The following COL22A1 variants were observed in gnomAD, a reference collection of about 807,000 sequenced individuals.
COL22A1 encodes the protein collagen alpha-1(XXII) chain.
COL22A1 carries 221 observed loss-of-function variants against 248.9 expected under a neutral mutation model. The observed-to-expected ratio is 0.89, with a 90% CI of 0.80 to 0.99. COL22A1 has a LOEUF of 0.99. Ranked by LOEUF, COL22A1 falls within the 50% of genes least tolerant of loss-of-function variation. The probability of loss-of-function intolerance (pLI) is 0.00; values close to 1 mark genes in which losing one functional copy is unlikely to be tolerated. For synonymous variants in COL22A1, 891 were observed against 793.4 expected (o/e 1.12, Z -2.07); for missense variants, 2,240 against 2,179.0 (o/e 1.03, Z -0.56).
chr8:138,816,418 G>T (rs538668032), intron 7 of COL22A1, among the ~76,000 whole-genome samples: 1 of 152,296 alleles, frequency 6.6e-6, no homozygotes, highest in South Asian at 2.1e-4. Context: ...TCCGGTTTCT[G>T]CCCTCAGCAA....
intron 27 of COL22A1, 46 bp from the exon 28 acceptor site, chr8:138,716,915 A>G (rs563511710): frequency 7.1e-7 from 1 of 1,410,874 alleles, no homozygotes; most frequent in African/African-American, 1.4e-5. Flanking sequence ...ATTCACTTTA[A>G]AGAGATGACT....
chr8:138,884,427 C>G (rs1202755255), intron 1 of COL22A1, among the ~76,000 whole-genome samples: 1 of 152,206 alleles, frequency 6.6e-6, no homozygotes, highest in East Asian at 1.9e-4. Flanking sequence ...TCCTGAACCT[C>G]AATGTTTGCA....
chr8:138,795,663 C>T lies in COL22A1; in HGVS notation c.1596+1156G>A, dbSNP rs142518225. ...AGTTCTTCTCCTAAATGTCATTTTG[C>T]ATCATCAAATACTGTTGCATTATTG... On this transcript the variant is annotated intron_variant, in intron 12 of 64. Transcript: ENST00000303045. Among the ~76,000 whole-genome samples the T allele has an allele frequency of 2.8e-3, 420 of 152,244 alleles. 2 individuals are homozygous for T. The highest frequency in any genetic ancestry group is 9.6e-3 in the African/African-American group (397 of 41,528).
chr8:138,768,236 C>T (rs1376168040), intron 16 of COL22A1, among the ~76,000 whole-genome samples: 1 of 152,208 alleles, frequency 6.6e-6, no homozygotes, highest in Non-Finnish European at 1.5e-5. Flanking sequence ...GCAGCCGCCT[C>T]CTCAGCCTGG....
intron 23 of COL22A1, among the ~76,000 whole-genome samples, chr8:138,726,550 G>A (rs1250054535): frequency 6.7e-6 from 1 of 148,952 alleles, no homozygotes; most frequent in Non-Finnish European, 1.5e-5. Context: ...CTAAACCTAT[G>A]AGCACAGATC....
chr8:138,747,049 C>A (rs1238051967), intron 22 of COL22A1, among the ~76,000 whole-genome samples: 1 of 152,232 alleles, frequency 6.6e-6, no homozygotes, highest in Non-Finnish European at 1.5e-5. Context: ...TTTGATGCAG[C>A]TTCAAGAAGC....
Position 138,877,825 on chromosome 8 carries a change from C to T in COL22A1, c.583G>A (p.Ala195Thr). ...LEEIASEPKS[A>T]HVFHVSDFNA... ...AAGTCGGACACGTGGAAGACGTGGG[C>T]GGACTTGGGCTCTGAGGCGATCTCC... Residue 195 changes from alanine (A) to threonine (T), a missense_variant, in exon 3 of 65, where the codon GCC (alanine) becomes ACC (threonine). Coordinates refer to ENST00000303045, the MANE Select transcript of COL22A1 (RefSeq NM_152888.3). 6.2e-7 allele frequency: 1 copy of T among 1,612,250 alleles called. No homozygotes were observed. The highest frequency in any genetic ancestry group is 8.5e-7 in the Non-Finnish European group (1 of 1,179,134).
intron 7 of COL22A1, among the ~76,000 whole-genome samples, chr8:138,818,209 A>G (rs1168762356): frequency 6.6e-6 from 1 of 152,124 alleles, no homozygotes; most frequent in Non-Finnish European, 1.5e-5. Flanking sequence ...TACAGCTCAG[A>G]GGGTATCTGC....
chr8:138,742,259 A>T (rs1367698639), intron 22 of COL22A1, among the ~76,000 whole-genome samples: 1 of 109,612 alleles, frequency 9.1e-6, no homozygotes. Context: ...GATGGTGACG[A>T]TAGTAGTGAT....
chr8:138,615,497 C>CTTCA (rs975350875), intron 55 of COL22A1, among the ~76,000 whole-genome samples: 3 of 147,896 alleles, frequency 2.0e-5, no homozygotes, highest in African/African-American at 7.5e-5. Context: ...CGCCAATGCA[C>CTTCA]TTCAGCCTGG....
chr8:138,858,097 C>T (rs1253384687), intron 3 of COL22A1, among the ~76,000 whole-genome samples: 2 of 152,210 alleles, frequency 1.3e-5, no homozygotes, highest in South Asian at 2.1e-4. Context: ...CTTTAGGCTT[C>T]GTCCTTGCTG....
intron 59 of COL22A1, among the ~76,000 whole-genome samples, 164 bp downstream of exon 59, chr8:138,604,569 TA>T (rs1394051163): frequency 6.6e-6 from 1 of 152,122 alleles, no homozygotes; most frequent in Non-Finnish European, 1.5e-5. Flanking sequence ...CGGGCAAAAT[TA>T]AAACATGAGC....
chr8:138,746,078 C>T (rs1024003148), intron 22 of COL22A1, among the ~76,000 whole-genome samples: 1 of 152,246 alleles, frequency 6.6e-6, no homozygotes, highest in African/African-American at 2.4e-5. Context: ...TCTCAATTCC[C>T]CCTTTTACCA....
chr8:138,907,478 A>G (rs1815117081), intron 1 of COL22A1, among the ~76,000 whole-genome samples: 1 of 152,230 alleles, frequency 6.6e-6, no homozygotes, highest in South Asian at 2.1e-4. Context: ...CTGAAAAACC[A>G]TCCAGGAATG....
At chr8:138,732,793 AAT>A (rs1283478695) in intron 23 of COL22A1, among the ~76,000 whole-genome samples, 1 of 152,244 alleles carries the variant, frequency 6.6e-6, no homozygotes, top group Admixed American at 6.5e-5. Flanking sequence ...GTGACTATTT[AAT>A]ATGATTAGTA....
intron 13 of COL22A1, among the ~76,000 whole-genome samples, chr8:138,779,996 A>C (rs1156585420): frequency 6.6e-6 from 1 of 152,132 alleles, no homozygotes; most frequent in African/African-American, 2.4e-5. Context: ...TCCTAGCCTC[A>C]AGTGATTCTC....
chr8:138,704,313 G>T (rs540413166), intron 30 of COL22A1, among the ~76,000 whole-genome samples: 5 of 152,236 alleles, frequency 3.3e-5, no homozygotes, highest in Non-Finnish European at 7.3e-5. Context: ...TCTAAGAACA[G>T]ACAGACTGCC....
intron 47 of COL22A1, among the ~76,000 whole-genome samples, chr8:138,641,146 C>T (rs11166831): frequency 0.85 from 129,855 of 152,206 alleles, 56,512 homozygotes; most frequent in Middle Eastern, 0.96. Flanking sequence ...CAGTTACAGA[C>T]GGAAAGAATT....
chr8:138,884,199 G>A (rs1449493100), intron 1 of COL22A1, among the ~76,000 whole-genome samples: 2 of 152,182 alleles, frequency 1.3e-5, no homozygotes, highest in Non-Finnish European at 2.9e-5. Flanking sequence ...TATGGGTTGA[G>A]GGGGTCACTG....
Sources: gnomAD v4.1 joint callset for allele counts (sites outside exome capture counted in the v4.1 genomes callset) on GRCh38, gnomAD v4.1.1 for gene constraint, MANE v1.5 for transcripts, NCBI Gene and HGNC (gene_info 2026-07-23, HGNC 2026-07-21) for gene names.